USP49: variants seen among roughly 807,000 people sequenced by gnomAD.
The protein encoded by USP49 is ubiquitin carboxyl-terminal hydrolase 49.
In USP49, 24 loss-of-function variants were observed where a neutral mutation model predicts 58.6. The observed-to-expected ratio is 0.41, with a 90% CI of 0.30 to 0.58. The LOEUF (loss-of-function observed/expected upper bound fraction) is 0.58. USP49 is among the 20% of genes least tolerant of loss of function. USP49 has a pLI of 0.30. For missense variants in USP49, 703 were observed against 866.1 expected, an observed-to-expected ratio of 0.81 and a Z score of 2.36; for synonymous variants, 408 against 365.1, an observed-to-expected ratio of 1.12 and a Z score of -1.34.
chr6:41,846,223 A>AG (rs1773919284), intron 3 of USP49, among the ~76,000 whole-genome samples: 1 of 152,170 alleles, frequency 6.6e-6, no homozygotes, highest in South Asian at 2.1e-4. Flanking sequence ...AGGCTGAGGC[A>AG]GGAGAAGCAC....
intron 3 of USP49, among the ~76,000 whole-genome samples, chr6:41,822,706 G>A (rs1443085573): frequency 3.3e-5 from 5 of 152,044 alleles, no homozygotes; most frequent in African/African-American, 7.2e-5. Context: ...TTAGCTGGGC[G>A]TAGTGGCGCG....
rs1772782446 is a variant in USP49, at chr6:41,790,682, T to C, written c.*5851A>G. 2.6e-5 allele frequency: 4 copies of C among 152,178 alleles called. No individual in the cohort carries two copies. The highest frequency in any genetic ancestry group is 9.7e-5 in the African/African-American group (4 of 41,436). 9.4% of individuals were successfully genotyped at this position (152,178 alleles called of 1,614,324 possible). On this transcript the variant is annotated 3_prime_UTR_variant, in exon 8 of 8. Transcript: ENST00000682992. The stretch of plus-strand genomic sequence containing the variant: ...ACTACTAAAGTTAAACAGGACAAAA[T>C]AGTCTTTCCTGACCTTGCTGGCATA...
Position 41,796,372 on chromosome 6 carries a change from C to G in USP49, c.*161G>C, listed in dbSNP as rs953386078. 3.4e-5 allele frequency: 18 copies of G among 534,878 alleles called. No individual in the cohort carries two copies. Among genetic ancestry groups the G allele is most frequent in the African/African-American group, 3.2e-4 (17 of 53,242 alleles). 33.1% of individuals were successfully genotyped at this position (534,878 alleles called of 1,614,324 possible). A position where few individuals can be genotyped will look rare whatever the true frequency, so the allele number is the denominator to read the frequency against. ...CCCAAACTCATTCAAAAGAAAGAGA[C>G]TATAAAATTTACGACAGGACACGAA... is the stretch of plus-strand genomic sequence containing the variant. On this transcript the variant is annotated 3_prime_UTR_variant, in exon 8 of 8. Transcript: ENST00000682992.
chr6:41,851,890 G>A (rs1169945937), intron 3 of USP49, among the ~76,000 whole-genome samples: 1 of 148,450 alleles, frequency 6.7e-6, no homozygotes, highest in African/African-American at 2.5e-5. Flanking sequence ...GGAAGCAGAG[G>A]CTGCAGTGAG....
At chr6:41,879,977 T>C (rs1310211859) in intron 2 of USP49, among the ~76,000 whole-genome samples, 1 of 152,186 alleles carries the variant, frequency 6.6e-6, no homozygotes, top group Non-Finnish European at 1.5e-5. Context: ...AAAGCTATAC[T>C]TTTAAGGAAA....
At chr6:41,842,165 C>T (rs1773838978) in intron 3 of USP49, among the ~76,000 whole-genome samples, 1 of 152,004 alleles carries the variant, frequency 6.6e-6, no homozygotes, top group South Asian at 2.1e-4. Context: ...AAAAAACTAG[C>T]AAAATTACTG....
chr6:41,815,592 AG>A (rs1413728365), intron 3 of USP49, among the ~76,000 whole-genome samples: 1 of 152,156 alleles, frequency 6.6e-6, no homozygotes, highest in Non-Finnish European at 1.5e-5. Flanking sequence ...GTCTCTGAAT[AG>A]GGGGTGGATG....
chr6:41,834,864 T>G (rs1373968602), intron 3 of USP49, among the ~76,000 whole-genome samples: 1 of 152,236 alleles, frequency 6.6e-6, no homozygotes, highest in Non-Finnish European at 1.5e-5. Context: ...ACAGTAAGTA[T>G]TCTCAAGAAC....
intron 3 of USP49, among the ~76,000 whole-genome samples, chr6:41,836,755 C>CA (rs1282923688): frequency 6.6e-6 from 1 of 152,048 alleles, no homozygotes. Context: ...TTTCAGGGTG[C>CA]AAAATCAATG....
intron 1 of USP49, among the ~76,000 whole-genome samples, chr6:41,892,825 T>C (rs1010123034): frequency 1.3e-5 from 2 of 152,232 alleles, no homozygotes; most frequent in African/African-American, 2.4e-5. Flanking sequence ...CAACAATTGT[T>C]TGAATTTTTC....
At chr6:41,827,533 GC>G (rs1306426607) in intron 3 of USP49, among the ~76,000 whole-genome samples, 1 of 151,902 alleles carries the variant, frequency 6.6e-6, no homozygotes, top group Non-Finnish European at 1.5e-5. Context: ...GGTGGTGGGC[GC>G]CTGTAGTCCC....
chr6:41,853,834 T>TA (rs35951100), intron 3 of USP49, among the ~76,000 whole-genome samples: 37,255 of 150,128 alleles, frequency 0.25, 4,789 homozygotes, highest in Middle Eastern at 0.32. Flanking sequence ...CCGTCTCTAC[T>TA]AAAAAAAATA....
chr6:41,890,439 G>A (rs941780338), intron 2 of USP49, among the ~76,000 whole-genome samples: 2 of 151,634 alleles, frequency 1.3e-5, no homozygotes, highest in Admixed American at 6.6e-5. Flanking sequence ...GAGGCCAGGC[G>A]CGGTGGCTCA....
chr6:41,892,107 CTG>C (rs1417885915), intron 1 of USP49, among the ~76,000 whole-genome samples: 3 of 152,098 alleles, frequency 2.0e-5, no homozygotes, highest in African/African-American at 7.2e-5. Flanking sequence ...GAAATAGCGA[CTG>C]AGAAATAACC....
chr6:41,893,445 A>C (rs1319763967), intron 1 of USP49, among the ~76,000 whole-genome samples: 1 of 152,204 alleles, frequency 6.6e-6, no homozygotes, highest in Non-Finnish European at 1.5e-5. Context: ...ATCAAAAGAA[A>C]CAGATTCTCA....
rs1383110760 is a variant in USP49 at position 41,805,832 on chromosome 6, T to A, written c.1152A>T (p.Ser384=). 6.2e-7 allele frequency: 1 copy of A among 1,613,936 alleles called. No homozygotes were observed. Among genetic ancestry groups the A allele is most frequent in the South Asian group, 1.1e-5 (1 of 91,078 alleles). Residue 384 remains serine, a synonymous_variant, in exon 4 of 8, where the codon TCA becomes TCT. Coordinates refer to ENST00000682992, the MANE Select transcript of USP49 (RefSeq NM_001286554.2). ...ALVSPFAMLH[S]VWSLIPAFRG... ...GGAAGGCAGGGATCAGGCTCCACACTGAGTGGAGCATGGCGAAGGGCGACA... is the reference window on the plus strand; with the variant it reads ...GGAAGGCAGGGATCAGGCTCCACACAGAGTGGAGCATGGCGAAGGGCGACA...
intron 2 of USP49, among the ~76,000 whole-genome samples, chr6:41,877,071 C>T (rs1774515429): frequency 6.6e-6 from 1 of 152,166 alleles, no homozygotes; most frequent in African/African-American, 2.4e-5. Flanking sequence ...CATTTCAGTG[C>T]ACCACATAGA....
chr6:41,819,844 A>C (rs1773423088), intron 3 of USP49, among the ~76,000 whole-genome samples: 1 of 152,218 alleles, frequency 6.6e-6, no homozygotes, highest in Admixed American at 6.5e-5. Flanking sequence ...GCCTGAGTCC[A>C]AGGAAGCCTT....
At chr6:41,799,461 C>T (rs779196534) in intron 6 of USP49, among the ~76,000 whole-genome samples, 1 of 152,160 alleles carries the variant, frequency 6.6e-6, no homozygotes, top group East Asian at 1.9e-4. Flanking sequence ...GATCCCTAAA[C>T]AAGCAATTCA....
Sources: gnomAD v4.1 joint callset for allele counts (sites outside exome capture counted in the v4.1 genomes callset) on GRCh38, gnomAD v4.1.1 for gene constraint, MANE v1.5 for transcripts, NCBI Gene and HGNC (gene_info 2026-07-23, HGNC 2026-07-21) for gene names.